Variants in ZMYND19 observed in about 807,000 individuals in gnomAD.
ZMYND19 encodes zinc finger MYND-type containing 19.
ZMYND19 carries 17 observed loss-of-function variants against 32.0 expected under a neutral mutation model. That is an observed-to-expected ratio of 0.53 (90% CI 0.36 to 0.80). The LOEUF (loss-of-function observed/expected upper bound fraction) is 0.80. Ranked by LOEUF, ZMYND19 falls within the 30% of genes least tolerant of loss-of-function variation. ZMYND19 has a pLI of 0.00. For missense variants in ZMYND19, 250 were observed against 293.6 expected (o/e 0.85, Z 1.09); for synonymous variants, 124 against 113.6 (o/e 1.09, Z -0.58).
At chr9:137,588,969 T>C in intron 1 of ZMYND19, 1 of 505,062 alleles carries the variant, frequency 2.0e-6, no homozygotes, top group Non-Finnish European at 3.6e-6. Context: ...CCAGAGGAGC[T>C]GGTATCAGGC....
chr9:137,582,266 C>G lies in ZMYND19; in HGVS notation c.*277G>C. The stretch of plus-strand genomic sequence containing the variant: ...TTGTAATTTCTACCCTTCCCATTGC[C>G]TCCCCCCCAAAAAAAACTGTACATG... On this transcript the variant is annotated 3_prime_UTR_variant, in exon 6 of 6. Coordinates refer to ENST00000298585, the MANE Select transcript of ZMYND19 (RefSeq NM_138462.3). 2.9e-6 allele frequency: 1 copy of G among 343,934 alleles called. No individual in the cohort carries two copies. Among genetic ancestry groups the G allele is most frequent in the Non-Finnish European group, 5.3e-6 (1 of 189,534 alleles). 21.3% of individuals were successfully genotyped at this position (343,934 alleles called of 1,614,324 possible).
Position 137,590,071 on chromosome 9 carries a change from C to T in ZMYND19, c.51+142G>A. On this transcript the variant is annotated intron_variant, in intron 1 of 5. Coordinates refer to ENST00000298585, the MANE Select transcript of ZMYND19 (RefSeq NM_138462.3). This position sits in a 1 kb window ranked among gnomAD's most constrained non-coding sequence, Gnocchi z 4.2. ...ACCCGCGCGGGGCCAGCAGCCGGGCCCGCGCAGCGTCCCCCGCCCCGCTGG... is the reference window on the plus strand; with the variant it reads ...ACCCGCGCGGGGCCAGCAGCCGGGCTCGCGCAGCGTCCCCCGCCCCGCTGG... The T allele has an allele frequency of 2.0e-6, 2 of 983,578 alleles. No individual in the cohort carries two copies. Among genetic ancestry groups the T allele is most frequent in the Non-Finnish European group, 2.4e-6 (2 of 829,200 alleles). The allele number at this position is 983,578 out of a possible 1,614,324, so 60.9% of individuals were successfully genotyped here. A position where few individuals can be genotyped will look rare whatever the true frequency, so the allele number is the denominator to read the frequency against.
chr9:137,590,229 C>T lies in ZMYND19; in HGVS notation c.35G>A (p.Gly12Asp), dbSNP rs1271594227. Residue 12 changes from glycine (G) to aspartate (D), a missense_variant, in exon 1 of 6, where the codon GGC becomes GAC. Coordinates refer to ENST00000298585, the MANE Select transcript of ZMYND19 (RefSeq NM_138462.3). The surrounding 1 kb of genome is among the most constrained non-coding windows in gnomAD (Gnocchi z 4.2). The stretch of plus-strand genomic sequence containing the variant: ...GCCGCTCACCTTCCCGGCCACCCGG[C>T]CGAGCCGCACGATACCCAATTTGAA... ...TDFKLGIVRL[G>D]RVAGKTKYTL... 1.7e-6 allele frequency: 2 copies of T among 1,144,806 alleles called. No individual in the cohort carries two copies. Among genetic ancestry groups the T allele is most frequent in the Non-Finnish European group, 1.1e-6 (1 of 916,944 alleles). 70.9% of individuals were successfully genotyped at this position (1,144,806 alleles called of 1,614,324 possible). A position where few individuals can be genotyped will look rare whatever the true frequency, so the allele number is the denominator to read the frequency against.
At position 137,590,267 on chromosome 9, in the gene ZMYND19, C is replaced by G; in HGVS notation, c.-4G>C. The G allele has an allele frequency of 9.1e-7, 1 of 1,099,426 alleles. No homozygotes were observed. The highest frequency in any genetic ancestry group is 1.1e-6 in the Non-Finnish European group (1 of 895,196). The allele number at this position is 1,099,426 out of a possible 1,614,324, so 68.1% of individuals were successfully genotyped here. ...TACCCAATTTGAAGTCGGTCATGGC[C>G]GGGCCTGCGCTCTCGGCCGGCAGCG... On this transcript the variant is annotated 5_prime_UTR_variant, in exon 1 of 6. Coordinates refer to ENST00000298585, the MANE Select transcript of ZMYND19 (RefSeq NM_138462.3). This position sits in a 1 kb window ranked among gnomAD's most constrained non-coding sequence, Gnocchi z 4.2.
At position 137,590,239 on chromosome 9, in the gene ZMYND19, C is replaced by T. The variant is rs1273324286; in HGVS notation, c.25G>A (p.Val9Met). The T allele has an allele frequency of 1.7e-6, 2 of 1,155,558 alleles. No individual in the cohort carries two copies. 71.6% of individuals were successfully genotyped at this position (1,155,558 alleles called of 1,614,324 possible). The change falls in exon 1 of 6, where the codon GTG becomes ATG. Residue 9 changes from valine (V) to methionine (M), a missense_variant. By Grantham distance (21) the Val-to-Met change is conservative (BLOSUM62 1). Around this residue, in one of 2 missense-constraint regions of ZMYND19, gnomAD observed 212 missense variants for 218.8 expected, o/e 0.97. Transcript: ENST00000298585. This position sits in a 1 kb window ranked among gnomAD's most constrained non-coding sequence, Gnocchi z 4.2. ...TTCCCGGCCACCCGGCCGAGCCGCA[C>T]GATACCCAATTTGAAGTCGGTCATG... The part of the protein sequence containing the change: MTDFKLGI[V>M]RLGRVAGKTK...
rs778825789 is a variant in ZMYND19, at chr9:137,582,704, T to C, written c.541-18A>G. Reference sequence around the variant, plus strand: ...TCCCGGAGCTGAAATACAGAACACCTGTGGCTTCACCATCATGCCTGGGAC... The same window carrying C: ...TCCCGGAGCTGAAATACAGAACACCCGTGGCTTCACCATCATGCCTGGGAC... On this transcript the variant is annotated intron_variant, in intron 5 of 5. Coordinates refer to ENST00000298585, the MANE Select transcript of ZMYND19 (RefSeq NM_138462.3). 1.9e-6 allele frequency: 3 copies of C among 1,609,980 alleles called. No homozygotes were observed. Among genetic ancestry groups the C allele is most frequent in the South Asian group, 2.2e-5 (2 of 90,904 alleles).
intron 2 of ZMYND19, 44 bp from the exon 3 acceptor site, chr9:137,587,867 C>T (rs1255073965): frequency 6.4e-7 from 1 of 1,559,910 alleles, no homozygotes; most frequent in South Asian, 1.1e-5. Context: ...ACCTCCAATT[C>T]TCAGCAACAC....
intron 1 of ZMYND19, chr9:137,589,323 G>A (rs1842242537): frequency 2.0e-6 from 2 of 984,562 alleles, no homozygotes; most frequent in African/African-American, 3.5e-5. Flanking sequence ...CTTGCAGCAG[G>A]GGCAGGAAAC....
chr9:137,582,412 G>A lies in ZMYND19; in HGVS notation c.*131C>T, dbSNP rs1038306465. The stretch of plus-strand genomic sequence containing the variant: ...AACCACACAGACTGCCTGTGACATC[G>A]GGAGTCTCACGGCAGCTGTCCTGGG... On this transcript the variant is annotated 3_prime_UTR_variant, in exon 6 of 6. Coordinates refer to ENST00000298585, the MANE Select transcript of ZMYND19 (RefSeq NM_138462.3). The A allele has an allele frequency of 6.1e-6, 8 of 1,301,288 alleles. No homozygotes were observed. Among genetic ancestry groups the A allele is most frequent in the African/African-American group, 4.4e-5 (3 of 67,638 alleles). The allele number at this position is 1,301,288 out of a possible 1,614,324, so 80.6% of individuals were successfully genotyped here.
Position 137,587,097 on chromosome 9 carries a change from G to A in ZMYND19, c.229C>T (p.Arg77Trp), listed in dbSNP as rs150308982. The A allele has an allele frequency of 2.5e-6, 4 of 1,605,468 alleles. No individual in the cohort carries two copies. Among genetic ancestry groups the A allele is most frequent in the South Asian group, 1.1e-5 (1 of 91,068 alleles). ...LLHELLWERHRGGVAPGFQVV... is the reference protein window; with the variant it reads ...LLHELLWERHWGGVAPGFQVV... ...TGGAAGCCCGGGGCCACGCCCCCCC[G>A]GTGCCGCTCCCTAGAAACAGACAGC... The change falls in exon 4 of 6, where the codon CGG becomes TGG. Residue 77 changes from arginine to tryptophan, a missense_variant. Around this residue, in one of 2 missense-constraint regions of ZMYND19, gnomAD observed 212 missense variants for 218.8 expected, o/e 0.97. Transcript: ENST00000298585.
Position 137,582,645 on chromosome 9 carries a change from C to A in ZMYND19, c.582G>T (p.Arg194=). The A allele has an allele frequency of 1.2e-6, 2 of 1,613,424 alleles. No homozygotes were observed. Among genetic ancestry groups the A allele is most frequent in the Non-Finnish European group, 1.7e-6 (2 of 1,180,020 alleles). ...FNICGRCQVA[R]YCGSQCQQKD... ...TCTGCTGGCACTGGGAGCCGCAGTA[C>A]CGGGCCACCTGGCAGCGCCCACAGA... is the stretch of plus-strand genomic sequence containing the variant. The change falls in exon 6 of 6, where the codon CGG becomes CGT. Residue 194 remains arginine, a synonymous_variant. Coordinates refer to ENST00000298585, the MANE Select transcript of ZMYND19 (RefSeq NM_138462.3).
chr9:137,590,247 A>G lies in ZMYND19; in HGVS notation c.17T>C (p.Leu6Ser). 1 of 1,153,582 alleles carries G rather than the reference A, an allele frequency of 8.7e-7. No homozygotes were observed. The highest frequency in any genetic ancestry group is 1.1e-6 in the Non-Finnish European group (1 of 921,868). 71.5% of individuals were successfully genotyped at this position (1,153,582 alleles called of 1,614,324 possible). A position where few individuals can be genotyped will look rare whatever the true frequency, so the allele number is the denominator to read the frequency against. The change falls in exon 1 of 6, where the codon TTG (leucine) becomes TCG (serine). Residue 6 changes from leucine to serine, a missense_variant. Coordinates refer to ENST00000298585, the MANE Select transcript of ZMYND19 (RefSeq NM_138462.3). This position sits in a 1 kb window ranked among gnomAD's most constrained non-coding sequence, Gnocchi z 4.2. Reference sequence around the variant, plus strand: ...CACCCGGCCGAGCCGCACGATACCCAATTTGAAGTCGGTCATGGCCGGGCC... The same window carrying G: ...CACCCGGCCGAGCCGCACGATACCCGATTTGAAGTCGGTCATGGCCGGGCC... MTDFK[L>S]GIVRLGRVAG... is the part of the protein sequence containing the mutation.
intron 3 of ZMYND19, chr9:137,587,435 C>A: frequency 5.2e-6 from 3 of 577,278 alleles, no homozygotes; most frequent in Non-Finnish European, 9.0e-6. Context: ...ACCATGCACA[C>A]CGGGGGGGCT....
intron 4 of ZMYND19, among the ~76,000 whole-genome samples, chr9:137,586,583 AGAAG>A (rs1842207667): frequency 6.6e-6 from 1 of 151,918 alleles, no homozygotes; most frequent in African/African-American, 2.4e-5. Flanking sequence ...AGGTGAGCAG[AGAAG>A]GAAGGAATCC....
chr9:137,586,177 C>T (rs1299884608), intron 4 of ZMYND19, among the ~76,000 whole-genome samples: 1 of 152,266 alleles, frequency 6.6e-6, no homozygotes, highest in East Asian at 1.9e-4. Flanking sequence ...AACCATTCTC[C>T]GCTTTAAACC....
chr9:137,587,319 C>G lies in ZMYND19; in HGVS notation c.219-212G>C, dbSNP rs944607237. 7.7e-6 allele frequency: 6 copies of G among 776,066 alleles called. No individual in the cohort carries two copies. The African/African-American group carries it at 1.1e-4, about 14-fold the overall frequency. The allele number at this position is 776,066 out of a possible 1,614,324, so 48.1% of individuals were successfully genotyped here. A position where few individuals can be genotyped will look rare whatever the true frequency, so the allele number is the denominator to read the frequency against. ...CTGTGGCCCAAACAGGACAGGGACA[C>G]AGGGAGGACCCGGCCCCTGGACTTC... On this transcript the variant is annotated intron_variant, in intron 3 of 5. Transcript: ENST00000298585.
chr9:137,583,511 G>A (rs750999345), intron 4 of ZMYND19, among the ~76,000 whole-genome samples: 4 of 152,120 alleles, frequency 2.6e-5, no homozygotes, highest in Non-Finnish European at 4.4e-5. Context: ...TTACTGCCCC[G>A]TCGGTCCACT....
intron 1 of ZMYND19, 51 bp from the exon 2 acceptor site, chr9:137,588,769 G>C (rs377507690): frequency 7.0e-5 from 112 of 1,606,294 alleles, no homozygotes; most frequent in Non-Finnish European, 9.0e-5. Flanking sequence ...TCTGCGTGAG[G>C]TGCAGTAACC....
intron 1 of ZMYND19, chr9:137,589,625 G>A (rs1221322747): frequency 1.0e-6 from 1 of 985,358 alleles, no homozygotes; most frequent in Non-Finnish European, 1.2e-6. Context: ...GGAAGGCCCT[G>A]AGTCTGCAGC....
Sources: gnomAD v4.1 joint callset for allele counts (sites outside exome capture counted in the v4.1 genomes callset) on GRCh38, gnomAD v4.1.1 for gene constraint, gnomAD v4.1.1 regional missense constraint, Gnocchi (gnomAD v3.1) non-coding constraint, MANE v1.5 for transcripts, NCBI Gene and HGNC (gene_info 2026-07-23, HGNC 2026-07-21) for gene names.